Variants in CASQ2 observed in about 807,000 individuals in gnomAD.
The protein encoded by CASQ2 is calsequestrin 2.
CASQ2 carries 49 observed loss-of-function variants against 46.5 expected under a neutral mutation model. The ratio of observed to expected loss-of-function variants is 1.05; its 90% CI spans 0.84 to 1.34. CASQ2 has a LOEUF of 1.34. CASQ2 is among the 40% of genes most tolerant of loss of function. CASQ2 has a pLI of 0.00. For missense variants in CASQ2, 486 were observed against 481.3 expected, an observed-to-expected ratio of 1.01 and a Z score of -0.09; for synonymous variants, 174 against 168.5, an observed-to-expected ratio of 1.03 and a Z score of -0.25.
intron 1 of CASQ2, among the ~76,000 whole-genome samples, chr1:115,750,497 G>A (rs187618934): frequency 4.7e-4 from 71 of 152,224 alleles, no homozygotes; most frequent in African/African-American, 1.6e-3. Flanking sequence ...GTTATTTTAA[G>A]GTCCTTAAGG....
chr1:115,702,695 G>T (rs906658562), intron 10 of CASQ2, among the ~76,000 whole-genome samples: 5 of 152,212 alleles, frequency 3.3e-5, no homozygotes, highest in African/African-American at 1.2e-4. Flanking sequence ...AGGAAAGGCT[G>T]GCCCCATAGG....
intron 1 of CASQ2, among the ~76,000 whole-genome samples, chr1:115,753,667 A>G (rs1648659084): frequency 6.6e-6 from 1 of 152,152 alleles, no homozygotes; most frequent in African/African-American, 2.4e-5. Context: ...TAAAGACCCC[A>G]CCCAATCCAG....
intron 8 of CASQ2, among the ~76,000 whole-genome samples, chr1:115,715,220 A>G (rs1447057430): frequency 6.6e-6 from 1 of 152,220 alleles, no homozygotes. Context: ...TCCAGGGAAG[A>G]GTGGTGGCCG....
intron 8 of CASQ2, among the ~76,000 whole-genome samples, chr1:115,710,952 C>G (rs548678554): frequency 6.6e-5 from 10 of 152,160 alleles, no homozygotes; most frequent in South Asian, 2.1e-4. Context: ...TGGGAATGAG[C>G]CTTCACCAAG....
Position 115,744,818 on chromosome 1 carries a change from T to A in CASQ2, c.319+10A>T, listed in dbSNP as rs1648327955. On this transcript the variant is annotated intron_variant, in intron 2 of 10. Transcript: ENST00000261448. ...TTTCCCACATACAGTATCTCAAAAA[T>A]CACACTTACCCAGTTTCTTGGCAAG... is the stretch of plus-strand genomic sequence containing the variant. 9 of 1,599,670 alleles carry A rather than the reference T, an allele frequency of 5.6e-6. No homozygotes were observed. Among genetic ancestry groups the A allele is most frequent in the Non-Finnish European group, 7.7e-6 (9 of 1,166,920 alleles).
chr1:115,762,830 T>A (rs978810445), intron 1 of CASQ2, among the ~76,000 whole-genome samples: 6 of 152,068 alleles, frequency 3.9e-5, no homozygotes, highest in African/African-American at 1.4e-4. Context: ...TGTGTCAAGG[T>A]AGAAGGGGAA....
chr1:115,749,295 G>A (rs1648493790), intron 1 of CASQ2, among the ~76,000 whole-genome samples: 1 of 152,198 alleles, frequency 6.6e-6, no homozygotes, highest in African/African-American at 2.4e-5. Flanking sequence ...AGATCCAAAT[G>A]TGTGCCTCTC....
Position 115,762,991 on chromosome 1 carries a change from G to A in CASQ2, c.234+5317C>T, listed in dbSNP as rs372875284. On this transcript the variant is annotated intron_variant, in intron 1 of 10. Transcript: ENST00000261448. Reference sequence around the variant, plus strand: ...CACCTGTCATGTTGTCATGTGACCAGTGCATTTATTTAGTTGTGTTTTTGA... The same window carrying A: ...CACCTGTCATGTTGTCATGTGACCAATGCATTTATTTAGTTGTGTTTTTGA... Among the ~76,000 whole-genome samples the A allele has an allele frequency of 5.6e-4, 85 of 152,326 alleles. 1 individual carries two copies. The East Asian group carries it at 0.014, about 24-fold the overall frequency.
intron 1 of CASQ2, among the ~76,000 whole-genome samples, chr1:115,761,426 G>GGGC (rs1648934545): frequency 5.0e-4 from 1 of 2,006 alleles, no homozygotes; most frequent in African/African-American, 4.0e-3. Context: ...AGAAGAAGAA[G>GGGC]AAGAAGAAGA....
chr1:115,739,391 A>AG (rs745698351), intron 3 of CASQ2, among the ~76,000 whole-genome samples: 1 of 152,060 alleles, frequency 6.6e-6, no homozygotes, highest in African/African-American at 2.4e-5. Flanking sequence ...CTGGGATTAC[A>AG]GGCATGAGCC....
chr1:115,700,350 T>A lies in CASQ2; in HGVS notation c.*891A>T, dbSNP rs1654167891. 6.6e-6 allele frequency: 1 copy of A among 152,502 alleles called. No homozygotes were observed. The allele number at this position is 152,502 out of a possible 1,614,324, so 9.4% of individuals were successfully genotyped here. A position where few individuals can be genotyped will look rare whatever the true frequency, so the allele number is the denominator to read the frequency against. ...TGGATAAAGCAATCTTTAATCTAAA[T>A]GGGAAGGCTCACTAGCAGCTACAGA... is the stretch of plus-strand genomic sequence containing the variant. On this transcript the variant is annotated 3_prime_UTR_variant, in exon 11 of 11. Coordinates refer to ENST00000261448, the MANE Select transcript of CASQ2 (RefSeq NM_001232.4).
intron 2 of CASQ2, among the ~76,000 whole-genome samples, chr1:115,741,896 C>G (rs913638965): frequency 2.0e-5 from 3 of 152,200 alleles, no homozygotes; most frequent in Non-Finnish European, 4.4e-5. Context: ...TCCAAATGAA[C>G]TCTTCTGCAG....
intron 8 of CASQ2, among the ~76,000 whole-genome samples, chr1:115,710,465 C>T (rs974939414): frequency 2.0e-5 from 3 of 152,160 alleles, no homozygotes. Context: ...GCACTCCTAC[C>T]AATGTTGCTG....
intron 7 of CASQ2, among the ~76,000 whole-genome samples, chr1:115,718,500 C>T (rs1329458488): frequency 6.6e-6 from 1 of 152,200 alleles, no homozygotes; most frequent in Non-Finnish European, 1.5e-5. Context: ...TTGTGCTTCC[C>T]TGTTAGGACC....
chr1:115,716,742 C>T lies in CASQ2; in HGVS notation c.838+1098G>A, dbSNP rs147773536. Among the ~76,000 whole-genome samples the T allele has an allele frequency of 5.3e-3, 804 of 152,334 alleles. 8 individuals carry two copies. Among genetic ancestry groups the T allele is most frequent in the African/African-American group, 0.018 (766 of 41,574 alleles). On this transcript the variant is annotated intron_variant, in intron 8 of 10. Transcript: ENST00000261448. ...GGCTTCCCACACCATCGGCAGCAAT[C>T]GTGAAGCTGGCTTGCCCTCTGGCCC...
At chr1:115,734,334 C>T (rs944502335) in intron 4 of CASQ2, among the ~76,000 whole-genome samples, 5 of 152,166 alleles carry the variant, frequency 3.3e-5, no homozygotes, top group African/African-American at 1.2e-4. Flanking sequence ...TTTCCAATCC[C>T]CATGTCCCTG....
intron 7 of CASQ2, among the ~76,000 whole-genome samples, chr1:115,721,172 T>C (rs759676529): frequency 2.0e-5 from 3 of 152,128 alleles, no homozygotes; most frequent in Non-Finnish European, 4.4e-5. Flanking sequence ...TGTTGCAATA[T>C]AGGGAGGCTT....
chr1:115,706,045 T>A (rs1430786719), intron 8 of CASQ2, among the ~76,000 whole-genome samples: 1 of 152,132 alleles, frequency 6.6e-6, no homozygotes, highest in Non-Finnish European at 1.5e-5. Flanking sequence ...GATAGCATAC[T>A]CTCAACCCTC....
At chr1:115,717,015 A>G (rs1217795000) in intron 8 of CASQ2, among the ~76,000 whole-genome samples, 3 of 152,120 alleles carry the variant, frequency 2.0e-5, no homozygotes, top group South Asian at 4.1e-4. Flanking sequence ...ACTTGGTATG[A>G]GTTCTCACAA....
Sources: gnomAD v4.1 joint callset for allele counts (sites outside exome capture counted in the v4.1 genomes callset) on GRCh38, gnomAD v4.1.1 for gene constraint, MANE v1.5 for transcripts, NCBI Gene and HGNC (gene_info 2026-07-23, HGNC 2026-07-21) for gene names.